The following RIPOR3 variants were observed in gnomAD, a reference collection of about 807,000 sequenced individuals.
RIPOR3 encodes RIPOR family member 3.
In RIPOR3, 95 loss-of-function variants were observed where a neutral mutation model predicts 114.3. The observed-to-expected ratio is 0.83, with a 90% confidence interval of 0.70 to 0.99. The LOEUF is 0.99. Ranked by LOEUF, RIPOR3 falls within the 50% of genes least tolerant of loss-of-function variation. The pLI, the probability that RIPOR3 is intolerant of heterozygous loss-of-function variation, is 0.00. For missense variants in RIPOR3, 1,252 were observed against 1,266.9 expected, an observed-to-expected ratio of 0.99 and a Z score of 0.18; for synonymous variants, 575 against 543.8, an observed-to-expected ratio of 1.06 and a Z score of -0.80.
chr20:50,610,851 A>C lies in RIPOR3; in HGVS notation c.426+2T>G. Reference sequence around the variant, plus strand: ...CCCTGCAACATCCACGAGCCAGCTGACCTTGCTGATGTGAAACTCCATCTT... The same window carrying C: ...CCCTGCAACATCCACGAGCCAGCTGCCCTTGCTGATGTGAAACTCCATCTT... On this transcript the variant is annotated splice_donor_variant, in intron 6 of 21. Transcript: ENST00000327979. LOFTEE classifies it high-confidence loss of function. 1 of 1,614,178 alleles carries C rather than the reference A, an allele frequency of 6.2e-7. No individual in the cohort carries two copies. The highest frequency in any genetic ancestry group is 8.5e-7 in the Non-Finnish European group (1 of 1,180,030).
chr20:50,609,917 T>C (rs929098226), intron 6 of RIPOR3, among the ~76,000 whole-genome samples, 195 bp from the exon 7 acceptor site: 7 of 151,506 alleles, frequency 4.6e-5, no homozygotes, highest in Non-Finnish European at 1.0e-4. Flanking sequence ...TGAACCCCCA[T>C]AGGCAGGGAC....
chr20:50,691,086 G>C (rs1321978946), intron 1 of RIPOR3, 40 bp downstream of exon 1: 2 of 1,289,372 alleles, frequency 1.6e-6, no homozygotes, highest in Non-Finnish European at 2.0e-6. Flanking sequence ...ACACAAGGCG[G>C]CGTCACGGCA....
chr20:50,594,510 A>G (rs1221732900), intron 17 of RIPOR3, 43 bp downstream of exon 17: 5 of 1,593,630 alleles, frequency 3.1e-6, no homozygotes, highest in Non-Finnish European at 4.3e-6. Context: ...GACTCAATAC[A>G]GCCTTTCTGT....
At chr20:50,609,980 A>ACCCCCCCCCCCCCCCCCCCC (rs1555846175) in intron 6 of RIPOR3, among the ~76,000 whole-genome samples, 1 of 52,736 alleles carries the variant, frequency 1.9e-5, no homozygotes, top group African/African-American at 7.9e-5. Context: ...TGCCACCCCT[A>ACCCCCCCCCCCCCCCCCCCC]CCACCCCTGC....
At chr20:50,587,681 C>G in intron 21 of RIPOR3, 121 bp downstream of exon 21, 1 of 890,652 alleles carries the variant, frequency 1.1e-6, no homozygotes, top group East Asian at 2.6e-5. Context: ...GGGCTGCTAA[C>G]GGTGCCCATC....
At chr20:50,686,510 A>T (rs1385732735) in intron 1 of RIPOR3, among the ~76,000 whole-genome samples, 1 of 151,900 alleles carries the variant, frequency 6.6e-6, no homozygotes, top group Admixed American at 6.6e-5. Flanking sequence ...GCACTTTTGG[A>T]GGCCTACGCG....
Position 50,608,752 on chromosome 20 carries a change from CGA to C in RIPOR3, c.685-16_685-15del. ...ACGCATGAGCACCTGTGAACCAGCC[CGA>C]GAGGGGCCGCGTCAGCCCAGGTGGG... On this transcript the variant is annotated splice_polypyrimidine_tract_variant and intron_variant, in intron 9 of 21. Transcript: ENST00000327979. 8 of 1,613,654 alleles carry C rather than the reference CGA, an allele frequency of 5.0e-6. No individual in the cohort carries two copies. Among genetic ancestry groups the C allele is most frequent in the Non-Finnish European group, 6.8e-6 (8 of 1,179,728 alleles).
chr20:50,620,193 G>C lies in RIPOR3; in HGVS notation c.123-61C>G, dbSNP rs2084346626. 3 of 1,586,152 alleles carry C rather than the reference G, an allele frequency of 1.9e-6. No individual in the cohort carries two copies. The African/African-American group carries it at 4.0e-5, about 21-fold the overall frequency. On this transcript the variant is annotated intron_variant, in intron 2 of 21. Transcript: ENST00000327979. The stretch of plus-strand genomic sequence containing the variant: ...AAGGGCCCTGACAAAGCCCTCCCCA[G>C]GGGCAGGCACTTTGGAAATAGTGAC...
chr20:50,604,877 A>G, intron 11 of RIPOR3, 103 bp from the exon 12 acceptor site: 1 of 1,379,086 alleles, frequency 7.3e-7, no homozygotes, highest in Non-Finnish European at 9.9e-7. Context: ...GATGGTCTTC[A>G]TCTTACAATA....
At chr20:50,667,785 G>C (rs753840249) in intron 1 of RIPOR3, among the ~76,000 whole-genome samples, 3 of 152,208 alleles carry the variant, frequency 2.0e-5, no homozygotes, top group Non-Finnish European at 4.4e-5. Context: ...CACAGCAGCC[G>C]TGGGAGTCAG....
chr20:50,588,948 G>A (rs2083016348), intron 20 of RIPOR3, among the ~76,000 whole-genome samples: 1 of 151,494 alleles, frequency 6.6e-6, no homozygotes, highest in African/African-American at 2.4e-5. Context: ...CGGGCGTGGT[G>A]GTGGGCGCCT....
At chr20:50,609,545 C>A (rs1426437600) in intron 7 of RIPOR3, 28 bp downstream of exon 7, 1 of 1,428,688 alleles carries the variant, frequency 7.0e-7, no homozygotes, top group East Asian at 2.6e-5. Context: ...GCTGCCCCTG[C>A]TGCCCAGCCC....
At chr20:50,606,729 T>C (rs2083732383) in intron 11 of RIPOR3, among the ~76,000 whole-genome samples, 1 of 26,614 alleles carries the variant, frequency 3.8e-5, no homozygotes, top group South Asian at 3.3e-3. Flanking sequence ...TTTCTTGCCT[T>C]TTTTTTTTTT....
intron 2 of RIPOR3, among the ~76,000 whole-genome samples, chr20:50,624,331 C>A (rs754646784): frequency 6.6e-6 from 1 of 152,188 alleles, no homozygotes; most frequent in East Asian, 1.9e-4. Context: ...GGTTAGGGAC[C>A]CCGGCAGGTG....
chr20:50,613,120 TA>T (rs1248135575), intron 4 of RIPOR3, among the ~76,000 whole-genome samples: 2 of 151,962 alleles, frequency 1.3e-5, no homozygotes, highest in Non-Finnish European at 2.9e-5. Context: ...AAAATCTTTT[TA>T]AAATTAAGAA....
chr20:50,651,199 G>A (rs552625253), intron 1 of RIPOR3, among the ~76,000 whole-genome samples: 2 of 149,356 alleles, frequency 1.3e-5, no homozygotes, highest in South Asian at 4.2e-4. Flanking sequence ...AATACAGGAG[G>A]CCTCTAGAAG....
chr20:50,677,447 A>G (rs1337864511), intron 1 of RIPOR3, among the ~76,000 whole-genome samples: 7 of 146,208 alleles, frequency 4.8e-5, no homozygotes, highest in Non-Finnish European at 1.0e-4. Flanking sequence ...TCTCGGCTCA[A>G]TGCAACCTCC....
Position 50,593,168 on chromosome 20 carries a change from G to A in RIPOR3, c.2241C>T (p.Val747=). The A allele has an allele frequency of 6.2e-7, 1 of 1,613,406 alleles. No individual in the cohort carries two copies. The highest frequency in any genetic ancestry group is 8.5e-7 in the Non-Finnish European group (1 of 1,180,020). ...CTCCGGGGAGCAGCCCACCACAGCTGACCACCTGCTCCAGGAGCCTGCGGC... is the reference window on the plus strand; with the variant it reads ...CTCCGGGGAGCAGCCCACCACAGCTAACCACCTGCTCCAGGAGCCTGCGGC... ...IACRRLLEQV[V]SCGGLLPGAG... Residue 747 remains valine, a synonymous_variant, in exon 18 of 22, where the codon GTC becomes GTT. Transcript: ENST00000327979.
intron 1 of RIPOR3, chr20:50,654,114 AC>A (rs1251673629): frequency 6.6e-6 from 1 of 151,838 alleles, no homozygotes; most frequent in Non-Finnish European, 1.5e-5. Flanking sequence ...GGTGTTTGTC[AC>A]CCCAACTAGA....
Sources: gnomAD v4.1 joint callset for allele counts (sites outside exome capture counted in the v4.1 genomes callset) on GRCh38, gnomAD v4.1.1 for gene constraint, MANE v1.5 for transcripts, NCBI Gene and HGNC (gene_info 2026-07-23, HGNC 2026-07-21) for gene names.